LRRTM4: variants seen among roughly 807,000 people sequenced by gnomAD.
LRRTM4 encodes leucine rich repeat transmembrane neuronal 4, also known as leucine-rich repeat transmembrane neuronal protein 4.
In LRRTM4, 25 loss-of-function variants were observed where a neutral mutation model predicts 47.6. The ratio of observed to expected loss-of-function variants is 0.53; its 90% CI spans 0.38 to 0.73. The LOEUF (loss-of-function observed/expected upper bound fraction) is 0.73. Among genes scored for constraint, LRRTM4 ranks in the 30% least tolerant of loss-of-function variants. LRRTM4 has a pLI of 0.00. For missense variants in LRRTM4, 638 were observed against 713.4 expected (o/e 0.89, Z 1.20); for synonymous variants, 311 against 269.5 (o/e 1.15, Z -1.51).
chr2:77,470,389 A>C (rs1434258509), intron 3 of LRRTM4, among the ~76,000 whole-genome samples: 1 of 152,186 alleles, frequency 6.6e-6, no homozygotes, highest in Non-Finnish European at 1.5e-5. Flanking sequence ...GAGACCAAAT[A>C]ACACAAAGCA....
At position 76,786,530 on chromosome 2, in the gene LRRTM4, T is replaced by TTCGAATCC. The variant is rs1553408377; in HGVS notation, c.1552-37615_1552-37614insGGATTCGA. Among the ~76,000 whole-genome samples, 250 of 151,652 alleles carry TTCGAATCC rather than the reference T, an allele frequency of 1.6e-3. 1 individual carries two copies. The highest frequency in any genetic ancestry group is 5.1e-3 in the African/African-American group (212 of 41,450). On this transcript the variant is annotated intron_variant, in intron 3 of 3. Coordinates refer to ENST00000409884, the MANE Select transcript of LRRTM4 (RefSeq NM_001134745.3). ...GAATATAATATATGCCATGAAGCTCTTTGAAGGAGTTGTCTGATTCAATTT... is the reference window on the plus strand; with the variant it reads ...GAATATAATATATGCCATGAAGCTCTTCGAATCCTTGAAGGAGTTGTCTGATTCAATTT...
At chr2:77,346,307 AGG>A (rs1477543924) in intron 3 of LRRTM4, among the ~76,000 whole-genome samples, 1 of 152,186 alleles carries the variant, frequency 6.6e-6, no homozygotes, top group Non-Finnish European at 1.5e-5. Context: ...CAAATAAAAA[AGG>A]GGAAAATTCA....
chr2:77,054,376 A>G (rs1019845620), intron 3 of LRRTM4, among the ~76,000 whole-genome samples: 9 of 152,228 alleles, frequency 5.9e-5, no homozygotes, highest in Non-Finnish European at 1.2e-4. Context: ...ACTGTTTTCC[A>G]GCAGCAGCCA....
chr2:77,283,628 T>A (rs1330022635), intron 3 of LRRTM4, among the ~76,000 whole-genome samples: 2 of 152,098 alleles, frequency 1.3e-5, no homozygotes. Flanking sequence ...CACCATGGAA[T>A]ACCATGCAAC....
At chr2:76,808,129 C>A (rs1009522487) in intron 3 of LRRTM4, among the ~76,000 whole-genome samples, 7 of 151,734 alleles carry the variant, frequency 4.6e-5, no homozygotes, top group Non-Finnish European at 1.0e-4. Context: ...AAGGGATTCT[C>A]CTGCCTCAGC....
At chr2:77,093,216 A>C (rs972166830) in intron 3 of LRRTM4, among the ~76,000 whole-genome samples, 4 of 148,552 alleles carry the variant, frequency 2.7e-5, no homozygotes, top group Non-Finnish European at 4.4e-5. Flanking sequence ...ATCACAGCTG[A>C]TATCTCCTGG....
At chr2:77,130,879 G>T (rs1020439873) in intron 3 of LRRTM4, among the ~76,000 whole-genome samples, 1 of 104,736 alleles carries the variant, frequency 9.5e-6, no homozygotes, top group African/African-American at 3.9e-5. Flanking sequence ...CTGTCGCCCA[G>T]GCTGGAGTGC....
At chr2:76,945,289 C>G (rs1573351235) in intron 3 of LRRTM4, among the ~76,000 whole-genome samples, 1 of 151,992 alleles carries the variant, frequency 6.6e-6, no homozygotes, top group African/African-American at 2.4e-5. Context: ...TCATATTTTC[C>G]TAAGGAGCAT....
intron 3 of LRRTM4, among the ~76,000 whole-genome samples, chr2:77,436,981 A>G (rs1353666105): frequency 6.6e-6 from 1 of 151,962 alleles, no homozygotes; most frequent in African/African-American, 2.4e-5. Context: ...ATTAATATAA[A>G]TAACTTATCT....
At chr2:77,134,136 T>G (rs940564530) in intron 3 of LRRTM4, among the ~76,000 whole-genome samples, 5 of 152,126 alleles carry the variant, frequency 3.3e-5, no homozygotes, top group Admixed American at 2.0e-4. Flanking sequence ...ATATATTTCA[T>G]ACTGCAAATC....
intron 3 of LRRTM4, among the ~76,000 whole-genome samples, chr2:76,967,601 C>G (rs1676071184): frequency 6.6e-6 from 1 of 151,554 alleles, no homozygotes; most frequent in South Asian, 2.1e-4. Context: ...TATATGCCAC[C>G]ACATACAATA....
At chr2:77,454,017 G>A (rs114951975) in intron 3 of LRRTM4, among the ~76,000 whole-genome samples, 47 of 152,168 alleles carry the variant, frequency 3.1e-4, no homozygotes, top group African/African-American at 1.1e-3. Flanking sequence ...TTACACAATG[G>A]ATTCCACCTG....
intron 3 of LRRTM4, among the ~76,000 whole-genome samples, chr2:77,450,641 A>G (rs1046049638): frequency 6.6e-6 from 1 of 152,158 alleles, no homozygotes; most frequent in African/African-American, 2.4e-5. Flanking sequence ...ACAATACCCA[A>G]GAATTTGATT....
At position 77,517,983 on chromosome 2, in the gene LRRTM4, C is replaced by T. The variant is rs961694058; in HGVS notation, c.1551+335G>A. ...CAACAGTCAAACACCAAGAACCAGA[C>T]AGAAATTTCAGAATGAAAAGAGTTT... is the stretch of plus-strand genomic sequence containing the variant. On this transcript the variant is annotated intron_variant, in intron 3 of 3. Coordinates refer to ENST00000409884, the MANE Select transcript of LRRTM4 (RefSeq NM_001134745.3). 1.1e-5 allele frequency: 11 copies of T among 1,035,484 alleles called. No homozygotes were observed. In the East Asian group the frequency reaches 2.4e-4, roughly 23 times the overall value. 64.1% of individuals were successfully genotyped at this position (1,035,484 alleles called of 1,614,324 possible).
chr2:77,221,883 C>A (rs968637676), intron 3 of LRRTM4, among the ~76,000 whole-genome samples: 3 of 152,130 alleles, frequency 2.0e-5, no homozygotes, highest in East Asian at 1.9e-4. Context: ...AACTCTCCAC[C>A]CCAAATCAAC....
intron 3 of LRRTM4, among the ~76,000 whole-genome samples, chr2:76,953,070 T>C (rs1675549533): frequency 6.6e-6 from 1 of 151,902 alleles, no homozygotes; most frequent in Admixed American, 6.6e-5. Flanking sequence ...AGAAACTACC[T>C]ATTGGCTATA....
At chr2:77,148,935 G>A (rs1209193114) in intron 3 of LRRTM4, among the ~76,000 whole-genome samples, 2 of 152,046 alleles carry the variant, frequency 1.3e-5, no homozygotes, top group East Asian at 1.9e-4. Flanking sequence ...AAGATATTTC[G>A]TTTCCTCACA....
chr2:77,263,973 G>A (rs2104048635), intron 3 of LRRTM4, among the ~76,000 whole-genome samples: 1 of 151,630 alleles, frequency 6.6e-6, no homozygotes, highest in South Asian at 2.1e-4. Context: ...GATCTAACGT[G>A]TTAGAGAAAG....
intron 3 of LRRTM4, among the ~76,000 whole-genome samples, chr2:76,775,886 T>A (rs1229316021): frequency 6.6e-6 from 1 of 152,094 alleles, no homozygotes. Flanking sequence ...TAGGTATGTC[T>A]CCCAATGCTA....
Sources: allele counts gnomAD v4.1 joint callset (sites outside exome capture counted in the v4.1 genomes callset), GRCh38; gene constraint gnomAD v4.1.1; transcripts MANE v1.5; gene names NCBI Gene and HGNC (gene_info 2026-07-23, HGNC 2026-07-21).